The following KCNG2 variants were observed in gnomAD, a reference collection of about 807,000 sequenced individuals.
The protein encoded by KCNG2 is voltage-gated potassium channel regulatory subunit KCNG2.
A neutral mutation model predicts 12.3 loss-of-function variants in KCNG2; 7 were observed. That is an observed-to-expected ratio of 0.57 (90% CI 0.32 to 1.07). The LOEUF is 1.07. KCNG2 is among the 50% of genes least tolerant of loss of function. The pLI is 0.04. For synonymous variants in KCNG2, 414 were observed against 351.4 expected, an observed-to-expected ratio of 1.18 and a Z score of -1.99; for missense variants, 703 against 726.0, an observed-to-expected ratio of 0.97 and a Z score of 0.36.
intron 1 of KCNG2, among the ~76,000 whole-genome samples, chr18:79,837,874 A>G (rs892923746): frequency 3.2e-4 from 48 of 152,106 alleles, no homozygotes; most frequent in African/African-American, 1.1e-3. Context: ...CCAGGTACCA[A>G]TTTTCTGTAT....
At chr18:79,823,434 G>A (rs1025023300) in intron 1 of KCNG2, among the ~76,000 whole-genome samples, 11 of 152,098 alleles carry the variant, frequency 7.2e-5, no homozygotes, top group East Asian at 5.8e-4. Flanking sequence ...GCCCCGTGTC[G>A]AGCGCTGTTT....
chr18:79,830,678 A>G (rs990744503), intron 1 of KCNG2, among the ~76,000 whole-genome samples: 3 of 136,688 alleles, frequency 2.2e-5, no homozygotes, highest in Admixed American at 2.2e-4. Context: ...AGCCTTTGTC[A>G]GGAGGGTTCC....
intron 3 of KCNG2, among the ~76,000 whole-genome samples, chr18:79,867,491 G>T (rs199518937): frequency 3.6e-4 from 13 of 36,268 alleles, no homozygotes; most frequent in South Asian, 1.1e-3. Context: ...TGTCGTGTCT[G>T]GGGGGGGGAT....
chr18:79,818,191 C>A (rs11663602), intron 1 of KCNG2, among the ~76,000 whole-genome samples: 53,517 of 152,100 alleles, frequency 0.35, 9,937 homozygotes, highest in South Asian at 0.48. Flanking sequence ...AGAGGCAATG[C>A]GATCTAATAA....
chr18:79,885,431 G>A (rs913508678), intron 3 of KCNG2, among the ~76,000 whole-genome samples: 1 of 152,170 alleles, frequency 6.6e-6, no homozygotes, highest in Non-Finnish European at 1.5e-5. Flanking sequence ...CTGTGGTTCC[G>A]CGGGTGGTCT....
intron 2 of KCNG2, among the ~76,000 whole-genome samples, chr18:79,861,490 G>A (rs1055198813): frequency 2.0e-5 from 3 of 152,000 alleles, no homozygotes; most frequent in Admixed American, 2.0e-4. Context: ...TGTTGGCCAG[G>A]ATGGTCTCAA....
intron 3 of KCNG2, among the ~76,000 whole-genome samples, chr18:79,896,268 C>G (rs991700916): frequency 6.6e-6 from 1 of 152,064 alleles, no homozygotes; most frequent in Non-Finnish European, 1.5e-5. Flanking sequence ...ACCCAGCCCA[C>G]TAATGATATT....
intron 1 of KCNG2, among the ~76,000 whole-genome samples, chr18:79,837,110 G>T (rs190635368): frequency 6.6e-6 from 1 of 152,310 alleles, no homozygotes; most frequent in East Asian, 1.9e-4. Context: ...ACAGACATCG[G>T]GTAAATGCTC....
At chr18:79,798,141 G>A (rs2087377023) in intron 1 of KCNG2, among the ~76,000 whole-genome samples, 127 bp downstream of exon 1, 1 of 151,532 alleles carries the variant, frequency 6.6e-6, no homozygotes, top group Non-Finnish European at 1.5e-5. Flanking sequence ...TTCTTCTCCG[G>A]GTGCGCGGTG....
chr18:79,828,953 G>T (rs1978288761), intron 1 of KCNG2, among the ~76,000 whole-genome samples: 1 of 139,184 alleles, frequency 7.2e-6, no homozygotes. Context: ...GTGTCTGTGT[G>T]TGCATGTGTC....
intron 2 of KCNG2, among the ~76,000 whole-genome samples, chr18:79,861,436 A>AC (rs34766340): frequency 2.0e-5 from 3 of 150,966 alleles, no homozygotes; most frequent in African/African-American, 7.3e-5. Context: ...CTGCCACCAC[A>AC]CCCCGCTAAT....
At chr18:79,857,146 A>G (rs918984284) in intron 2 of KCNG2, among the ~76,000 whole-genome samples, 5 of 35,468 alleles carry the variant, frequency 1.4e-4, no homozygotes, top group African/African-American at 4.1e-4. Flanking sequence ...GCTTCAGGCC[A>G]TGTCCTTGGC....
intron 1 of KCNG2, among the ~76,000 whole-genome samples, chr18:79,851,753 A>G (rs749901897): frequency 2.0e-4 from 6 of 30,128 alleles, no homozygotes; most frequent in Non-Finnish European, 1.3e-3. Flanking sequence ...GTGTGAATGT[A>G]TGTGTGTGTG....
intron 3 of KCNG2, among the ~76,000 whole-genome samples, chr18:79,879,830 A>G (rs761859260): frequency 6.6e-6 from 1 of 152,182 alleles, no homozygotes; most frequent in Non-Finnish European, 1.5e-5. Context: ...GGAAAAAAGA[A>G]TATTCTAAAA....
intron 1 of KCNG2, among the ~76,000 whole-genome samples, chr18:79,848,009 A>T (rs973755496): frequency 6.6e-6 from 1 of 152,172 alleles, no homozygotes; most frequent in African/African-American, 2.4e-5. Flanking sequence ...GCAGGGGGGA[A>T]TCCTGGGCAA....
At chr18:79,881,014 A>G (rs966008947) in intron 3 of KCNG2, among the ~76,000 whole-genome samples, 7 of 152,246 alleles carry the variant, frequency 4.6e-5, no homozygotes, top group African/African-American at 1.7e-4. Context: ...ACATAGCAAA[A>G]GACTGAATGT....
intron 1 of KCNG2, among the ~76,000 whole-genome samples, chr18:79,818,801 G>C (rs575996140): frequency 6.6e-6 from 1 of 152,310 alleles, no homozygotes; most frequent in South Asian, 2.1e-4. Flanking sequence ...GGGCTTTGGG[G>C]CTGCTTTAGG....
chr18:79,829,055 CGT>C (rs1316842316), intron 1 of KCNG2, among the ~76,000 whole-genome samples: 2 of 79,358 alleles, frequency 2.5e-5, no homozygotes, highest in East Asian at 9.0e-4. Context: ...GTGTGTGTAA[CGT>C]GTCTGTGTGT....
chr18:79,840,036 T>C (rs1056725122), intron 1 of KCNG2, among the ~76,000 whole-genome samples: 1 of 152,236 alleles, frequency 6.6e-6, no homozygotes, highest in African/African-American at 2.4e-5. Context: ...AGACTGAATG[T>C]TCTTCCCCTC....
Sources: allele counts gnomAD v4.1 joint callset (sites outside exome capture counted in the v4.1 genomes callset), GRCh38; gene constraint gnomAD v4.1.1; transcripts MANE v1.5; gene names NCBI Gene and HGNC (gene_info 2026-07-23, HGNC 2026-07-21).